PTN: variants seen among roughly 807,000 people sequenced by gnomAD.
PTN encodes pleiotrophin.
A neutral mutation model predicts 24.1 loss-of-function variants in PTN; 18 were observed. The observed-to-expected ratio is 0.75, with a 90% CI of 0.52 to 1.11. The LOEUF is 1.11. Among genes scored for constraint, PTN ranks in the 50% least tolerant of loss-of-function variants. The pLI is 0.00. For missense variants in PTN, 163 were observed against 198.8 expected, an observed-to-expected ratio of 0.82 and a Z score of 1.08; for synonymous variants, 78 against 68.6, an observed-to-expected ratio of 1.14 and a Z score of -0.67.
At position 137,253,520 on chromosome 7, in the gene PTN, T is replaced by A; in HGVS notation, c.233A>T (p.Gln78Leu). ...CTTACATCTCTGGGTCTTCATGGTTTGCTTGCACTCAGCTCCAGTCCGAGT... is the reference window on the plus strand; with the variant it reads ...CTTACATCTCTGGGTCTTCATGGTTAGCTTGCACTCAGCTCCAGTCCGAGT... ...EGTRTGAECK[Q>L]TMKTQRCKIP... Residue 78 changes from glutamine (Q) to leucine (L), a missense_variant, in exon 3 of 5, where the codon CAA (glutamine) becomes CTA (leucine). By Grantham distance (113) the Gln-to-Leu change is moderately radical. Coordinates refer to ENST00000348225, the MANE Select transcript of PTN (RefSeq NM_002825.7). 6.2e-7 allele frequency: 1 copy of A among 1,612,448 alleles called. No individual in the cohort carries two copies. The highest frequency in any genetic ancestry group is 8.5e-7 in the Non-Finnish European group (1 of 1,179,252).
In PTN at chr7:137,335,508, T is replaced by G. The variant is rs573857085; in HGVS notation, c.-2+7931A>C. ...AACATATTGACAATGATCCTCATCA[T>G]TTTTATTAAGCTATGGACATCATGA... On this transcript the variant is annotated intron_variant, in intron 1 of 4. Transcript: ENST00000348225. Among the ~76,000 whole-genome samples the G allele has an allele frequency of 1.1e-3, 172 of 152,352 alleles. 2 individuals are homozygous for G. The Middle Eastern group carries it at 0.017, about 15-fold the overall frequency.
intron 1 of PTN, among the ~76,000 whole-genome samples, chr7:137,301,469 G>A (rs566380543): frequency 4.6e-5 from 7 of 151,934 alleles, no homozygotes; most frequent in African/African-American, 1.7e-4. Flanking sequence ...TAAGAGAGAG[G>A]ATTAATGAGC....
At chr7:137,255,056 C>T in intron 1 of PTN, 82 bp from the exon 2 acceptor site, 1 of 874,684 alleles carries the variant, frequency 1.1e-6, no homozygotes. Context: ...GATGAAAAGG[C>T]TCCACTTTCC....
At chr7:137,311,201 C>T (rs1809975690) in intron 1 of PTN, among the ~76,000 whole-genome samples, 1 of 146,834 alleles carries the variant, frequency 6.8e-6, no homozygotes, top group Non-Finnish European at 1.5e-5. Flanking sequence ...CACCGCACAC[C>T]AGCCTGGGTG....
chr7:137,333,587 C>T (rs893840481), intron 1 of PTN, among the ~76,000 whole-genome samples: 7 of 152,000 alleles, frequency 4.6e-5, no homozygotes, highest in South Asian at 4.1e-4. Context: ...CAGTTATAGA[C>T]GTTAAAATGT....
At chr7:137,308,349 G>C (rs1809922612) in intron 1 of PTN, among the ~76,000 whole-genome samples, 1 of 152,102 alleles carries the variant, frequency 6.6e-6, no homozygotes, top group Non-Finnish European at 1.5e-5. Context: ...AATAGGAAAA[G>C]AAAAATCAGT....
At chr7:137,314,810 G>C (rs912891510) in intron 1 of PTN, among the ~76,000 whole-genome samples, 1 of 151,890 alleles carries the variant, frequency 6.6e-6, no homozygotes, top group Non-Finnish European at 1.5e-5. Flanking sequence ...GGCCAGGCTG[G>C]TCTCAGACTC....
At chr7:137,311,785 C>G (rs1809986991) in intron 1 of PTN, among the ~76,000 whole-genome samples, 1 of 128,302 alleles carries the variant, frequency 7.8e-6, no homozygotes, top group Non-Finnish European at 1.5e-5. Context: ...ACAACAGTAA[C>G]ATCAAGATCA....
intron 1 of PTN, among the ~76,000 whole-genome samples, chr7:137,306,357 T>A (rs1319002345): frequency 6.6e-6 from 1 of 151,854 alleles, no homozygotes; most frequent in Non-Finnish European, 1.5e-5. Flanking sequence ...GGGTTACAAA[T>A]GAGAATGAGA....
chr7:137,280,707 A>C (rs1290925186), intron 1 of PTN, among the ~76,000 whole-genome samples: 1 of 84,046 alleles, frequency 1.2e-5, no homozygotes, highest in African/African-American at 4.1e-5. Context: ...TACAAAAAAA[A>C]AAAAAAAAAA....
intron 1 of PTN, among the ~76,000 whole-genome samples, chr7:137,291,223 A>AT (rs1372578552): frequency 6.6e-6 from 1 of 152,182 alleles, no homozygotes; most frequent in Non-Finnish European, 1.5e-5. Context: ...CAATATGCCC[A>AT]TTTTTTGAAA....
At chr7:137,286,710 A>T in intron 1 of PTN, among the ~76,000 whole-genome samples, 1 of 152,284 alleles carries the variant, frequency 6.6e-6, no homozygotes, top group East Asian at 1.9e-4. Context: ...TAAGCACCTC[A>T]ATTGGGAGAA....
chr7:137,341,366 T>C (rs1378392689), intron 1 of PTN, among the ~76,000 whole-genome samples: 1 of 151,908 alleles, frequency 6.6e-6, no homozygotes, highest in Non-Finnish European at 1.5e-5. Flanking sequence ...TGTGTTGCTA[T>C]ATGTGAAGCC....
chr7:137,267,975 G>GTCAAGCAAT (rs1440109084), intron 1 of PTN, among the ~76,000 whole-genome samples: 5,374 of 152,052 alleles, frequency 0.035, 329 homozygotes, highest in African/African-American at 0.12. Context: ...TTCAAACCAA[G>GTCAAGCAAT]TCAAAACAAA....
At chr7:137,239,484 T>A (rs1462541107) in intron 4 of PTN, among the ~76,000 whole-genome samples, 2 of 152,060 alleles carry the variant, frequency 1.3e-5, no homozygotes, top group African/African-American at 4.8e-5. Flanking sequence ...TGTGACGTGC[T>A]GGTGCGCTGC....
intron 4 of PTN, among the ~76,000 whole-genome samples, chr7:137,237,758 G>A (rs558751938): frequency 6.6e-6 from 1 of 152,094 alleles, no homozygotes; most frequent in East Asian, 1.9e-4. Flanking sequence ...GTCTATAGCA[G>A]CAGCAGCAAA....
intron 1 of PTN, among the ~76,000 whole-genome samples, chr7:137,310,392 T>C (rs1392257127): frequency 0.19 from 616 of 3,258 alleles, 4 homozygotes; most frequent in Non-Finnish European, 0.37. Context: ...GTTACCATGT[T>C]TTTTTTTTTT....
intron 1 of PTN, among the ~76,000 whole-genome samples, chr7:137,324,367 G>A (rs1810216213): frequency 1.4e-5 from 2 of 142,116 alleles, no homozygotes; most frequent in East Asian, 4.2e-4. Context: ...GATTATGCCT[G>A]TGAATAGCAA....
At chr7:137,248,842 G>A (rs1356764913) in intron 4 of PTN, among the ~76,000 whole-genome samples, 1 of 152,060 alleles carries the variant, frequency 6.6e-6, no homozygotes, top group Non-Finnish European at 1.5e-5. Flanking sequence ...TGCATAACTG[G>A]TAGTTTGAAA....
Sources: allele counts gnomAD v4.1 joint callset (sites outside exome capture counted in the v4.1 genomes callset), GRCh38; gene constraint gnomAD v4.1.1; transcripts MANE v1.5; gene names NCBI Gene and HGNC (gene_info 2026-07-23, HGNC 2026-07-21).